The following FAM107B variants were observed in gnomAD, a reference collection of about 807,000 sequenced individuals.
FAM107B encodes the protein family with sequence similarity 107 member B, also known as protein FAM107B.
A neutral mutation model predicts 31.5 loss-of-function variants in FAM107B; 21 were observed. The observed-to-expected ratio is 0.67, with a 90% confidence interval of 0.47 to 0.96. The LOEUF (loss-of-function observed/expected upper bound fraction) is 0.96. Among genes scored for constraint, FAM107B ranks in the 40% least tolerant of loss-of-function variants. The pLI is 0.00. For synonymous variants in FAM107B, 157 were observed against 141.5 expected (o/e 1.11, Z -0.78); for missense variants, 452 against 377.1 (o/e 1.20, Z -1.64).
intron 1 of FAM107B, among the ~76,000 whole-genome samples, chr10:14,706,354 A>T (rs1368149451): frequency 6.6e-6 from 1 of 152,050 alleles, no homozygotes; most frequent in African/African-American, 2.4e-5. Flanking sequence ...CAGCCCCCCA[A>T]GTAGCTGGCA....
chr10:14,651,806 C>T (rs2131447777), intron 2 of FAM107B, among the ~76,000 whole-genome samples: 1 of 152,102 alleles, frequency 6.6e-6, no homozygotes, highest in African/African-American at 2.4e-5. Flanking sequence ...ACAGGTAAAG[C>T]CTGGACACAG....
In FAM107B at chr10:14,580,942, T is replaced by G. The variant is rs567967035; in HGVS notation, c.470-50427A>C. ...AAAACCTCCAGAACTCTTACTCTGT[T>G]GCTTTGGTAAGTTCAATAAGCAATC... On this transcript the variant is annotated intron_variant, in intron 2 of 4. Transcript: ENST00000181796. Among the ~76,000 whole-genome samples, 4 of 152,342 alleles carry G rather than the reference T, an allele frequency of 2.6e-5. No individual in the cohort carries two copies. The South Asian group carries it at 8.3e-4, about 32-fold the overall frequency.
chr10:14,685,153 T>A (rs1225437120), intron 1 of FAM107B, among the ~76,000 whole-genome samples: 125 of 149,956 alleles, frequency 8.3e-4, no homozygotes, highest in Non-Finnish European at 1.2e-3. Context: ...TTTTTTTTTT[T>A]TTTTTTTTTT....
At chr10:14,524,651 A>T (rs1486832482) in intron 3 of FAM107B, among the ~76,000 whole-genome samples, 2 of 152,254 alleles carry the variant, frequency 1.3e-5, no homozygotes, top group Admixed American at 1.3e-4. Flanking sequence ...AGTAATCTGA[A>T]TAAAGTTTTA....
intron 1 of FAM107B, among the ~76,000 whole-genome samples, chr10:14,692,847 C>T (rs571000172): frequency 5.1e-4 from 78 of 152,196 alleles, no homozygotes; most frequent in African/African-American, 1.8e-3. Context: ...TTATGTGCCA[C>T]GTGAGAATAA....
intron 2 of FAM107B, among the ~76,000 whole-genome samples, chr10:14,632,837 C>A (rs1853402613): frequency 6.6e-6 from 1 of 151,870 alleles, no homozygotes; most frequent in East Asian, 1.9e-4. Flanking sequence ...GCAAGAAATG[C>A]CAGCTAGGGA....
At chr10:14,769,334 A>G (rs1426691714) in intron 1 of FAM107B, among the ~76,000 whole-genome samples, 1 of 152,142 alleles carries the variant, frequency 6.6e-6, no homozygotes, top group African/African-American at 2.4e-5. Context: ...TGAAGTTGTC[A>G]ATTCCAAGAT....
intron 1 of FAM107B, among the ~76,000 whole-genome samples, chr10:14,733,127 T>C (rs1391581134): frequency 6.7e-6 from 1 of 150,222 alleles, no homozygotes; most frequent in African/African-American, 2.4e-5. Context: ...TTTTTATATA[T>C]GTTAAAATAT....
At chr10:14,628,205 C>T (rs1442077822) in intron 2 of FAM107B, among the ~76,000 whole-genome samples, 2 of 148,954 alleles carry the variant, frequency 1.3e-5, no homozygotes, top group Non-Finnish European at 3.0e-5. Flanking sequence ...CAACCTCCCC[C>T]TCCTGGGTTC....
intron 2 of FAM107B, among the ~76,000 whole-genome samples, chr10:14,547,938 C>A (rs187680039): frequency 1.5e-3 from 235 of 152,366 alleles, no homozygotes; most frequent in African/African-American, 5.4e-3. Flanking sequence ...TCTAACCAAA[C>A]CCTAGAGAAC....
intron 2 of FAM107B, among the ~76,000 whole-genome samples, chr10:14,614,844 A>C (rs540453340): frequency 7.9e-4 from 120 of 152,162 alleles, no homozygotes; most frequent in Middle Eastern, 3.4e-3. Flanking sequence ...TACACGAGAC[A>C]GGGACTGTTT....
chr10:14,543,691 T>TAAAAAAAA (rs11318873), intron 2 of FAM107B, among the ~76,000 whole-genome samples: 1 of 138,852 alleles, frequency 7.2e-6, no homozygotes, highest in Non-Finnish European at 1.5e-5. Context: ...CTAAAAACTT[T>TAAAAAAAA]AAAAAAAAAA....
chr10:14,627,087 A>G (rs1042628559), intron 2 of FAM107B, among the ~76,000 whole-genome samples: 1 of 152,210 alleles, frequency 6.6e-6, no homozygotes, highest in African/African-American at 2.4e-5. Flanking sequence ...CAGGTTATTT[A>G]CAAGACAGAC....
At chr10:14,712,209 G>A (rs769265922) in intron 1 of FAM107B, among the ~76,000 whole-genome samples, 15 of 152,016 alleles carry the variant, frequency 9.9e-5, no homozygotes, top group South Asian at 4.1e-4. Flanking sequence ...TACCCATTGC[G>A]TGCCTGTACT....
At chr10:14,572,062 G>T in intron 2 of FAM107B, 1 of 985,364 alleles carries the variant, frequency 1.0e-6, no homozygotes, top group Non-Finnish European at 1.2e-6. Flanking sequence ...TCCCCACAAA[G>T]AACTCTCTTT....
intron 1 of FAM107B, among the ~76,000 whole-genome samples, chr10:14,764,281 T>C (rs1391141000): frequency 1.3e-5 from 2 of 152,212 alleles, no homozygotes; most frequent in African/African-American, 4.8e-5. Flanking sequence ...TTTGTTGAGA[T>C]TTGATGTTTT....
chr10:14,708,019 C>G (rs1367061669), intron 1 of FAM107B, among the ~76,000 whole-genome samples: 1 of 152,160 alleles, frequency 6.6e-6, no homozygotes, highest in Non-Finnish European at 1.5e-5. Context: ...CAACCCAGAG[C>G]TCTGTCTCCA....
At position 14,641,919 on chromosome 10, in the gene FAM107B, A is replaced by T. The variant is rs73589364; in HGVS notation, c.469+25715T>A. Among the ~76,000 whole-genome samples, 771 of 152,338 alleles carry T rather than the reference A, an allele frequency of 5.1e-3. 2 individuals are homozygous for T. The highest frequency in any genetic ancestry group is 0.017 in the African/African-American group (709 of 41,586). On this transcript the variant is annotated intron_variant, in intron 2 of 4. Coordinates refer to ENST00000181796, the MANE Select transcript of FAM107B (RefSeq NM_031453.4). The stretch of plus-strand genomic sequence containing the variant: ...TTAACTTGTTCCAGCATCAACTGTA[A>T]TGTCTAAAGTCCAAAGCCTCCTTTA...
chr10:14,733,841 C>G (rs1200069705), intron 1 of FAM107B, among the ~76,000 whole-genome samples: 1 of 152,210 alleles, frequency 6.6e-6, no homozygotes, highest in Non-Finnish European at 1.5e-5. Context: ...CACTGCTTCT[C>G]CACATTTTCT....
Sources: gnomAD v4.1 joint callset for allele counts (sites outside exome capture counted in the v4.1 genomes callset) on GRCh38, gnomAD v4.1.1 for gene constraint, MANE v1.5 for transcripts, NCBI Gene and HGNC (gene_info 2026-07-23, HGNC 2026-07-21) for gene names.